Variants in ANXA4 observed in about 807,000 individuals in gnomAD.
ANXA4 encodes 35-beta calcimedin.
A neutral mutation model predicts 49.8 loss-of-function variants in ANXA4; 39 were observed. The observed-to-expected ratio is 0.78, with a 90% CI of 0.61 to 1.02. The LOEUF (loss-of-function observed/expected upper bound fraction) is 1.02, where lower values mean the gene tolerates loss of function less well. Among genes scored for constraint, ANXA4 ranks in the 50% least tolerant of loss-of-function variants. The probability of loss-of-function intolerance (pLI) is 0.00; values close to 1 mark genes in which losing one functional copy is unlikely to be tolerated. For synonymous variants in ANXA4, 134 were observed against 152.5 expected, an observed-to-expected ratio of 0.88 and a Z score of 0.89; for missense variants, 360 against 410.1, an observed-to-expected ratio of 0.88 and a Z score of 1.05.
At chr2:69,649,427 TA>T (rs569382332) in intron 1 of ANXA4, among the ~76,000 whole-genome samples, 156 of 151,552 alleles carry the variant, frequency 1.0e-3, no homozygotes, top group African/African-American at 3.6e-3. Context: ...ATTTATATTT[TA>T]TTTTTTTCAT....
chr2:69,806,871 C>T (rs971614755), intron 5 of ANXA4, among the ~76,000 whole-genome samples: 4 of 152,024 alleles, frequency 2.6e-5, no homozygotes, highest in African/African-American at 9.7e-5. Context: ...GGGAGAGGAT[C>T]AGGAAAAATA....
intron 2 of ANXA4, among the ~76,000 whole-genome samples, chr2:69,679,514 C>T (rs959011130): frequency 5.3e-5 from 8 of 152,056 alleles, no homozygotes; most frequent in Non-Finnish European, 1.0e-4. Context: ...TTAATATAGT[C>T]CTATTTGCTT....
At chr2:69,783,272 C>A (rs1672275789) in intron 2 of ANXA4, among the ~76,000 whole-genome samples, 1 of 152,090 alleles carries the variant, frequency 6.6e-6, no homozygotes, top group African/African-American at 2.4e-5. Context: ...GGCTGGAGAG[C>A]AGTGGCGCGA....
intron 1 of ANXA4, among the ~76,000 whole-genome samples, chr2:69,648,736 A>C (rs1329594054): frequency 6.9e-6 from 1 of 145,622 alleles, no homozygotes; most frequent in South Asian, 2.1e-4. Flanking sequence ...CATGAGAATC[A>C]CTTTAACCCA....
chr2:69,718,980 C>CA (rs1553434540), intron 2 of ANXA4, among the ~76,000 whole-genome samples: 29 of 143,936 alleles, frequency 2.0e-4, no homozygotes, highest in African/African-American at 6.6e-4. Flanking sequence ...AGCTACCCTC[C>CA]TTTTTTTTTT....
intron 1 of ANXA4, among the ~76,000 whole-genome samples, chr2:69,652,487 T>G (rs977824164): frequency 2.6e-5 from 4 of 152,212 alleles, no homozygotes; most frequent in Non-Finnish European, 4.4e-5. Flanking sequence ...GGATCTCTAG[T>G]CAGATGACTT....
At chr2:69,803,052 T>A (rs1438874430) in intron 3 of ANXA4, among the ~76,000 whole-genome samples, 1 of 150,920 alleles carries the variant, frequency 6.6e-6, no homozygotes, top group Admixed American at 6.6e-5. Context: ...CAAAAAAAAA[T>A]TAGCCAGGCA....
At chr2:69,663,759 A>G (rs778209731) in intron 2 of ANXA4, among the ~76,000 whole-genome samples, 4 of 152,234 alleles carry the variant, frequency 2.6e-5, no homozygotes, top group African/African-American at 7.2e-5. Flanking sequence ...TGAAAAACTC[A>G]GTAGAATGTT....
intron 3 of ANXA4, among the ~76,000 whole-genome samples, chr2:69,734,544 T>G (rs1357354039): frequency 6.6e-6 from 1 of 152,196 alleles, no homozygotes; most frequent in Non-Finnish European, 1.5e-5. Context: ...CAAAGAAGTT[T>G]TGCAACCTCC....
At chr2:69,759,312 A>C (rs1671181774) in intron 1 of ANXA4, among the ~76,000 whole-genome samples, 1 of 152,164 alleles carries the variant, frequency 6.6e-6, no homozygotes, top group Non-Finnish European at 1.5e-5. Flanking sequence ...AATTATATAC[A>C]TACTGTGATT....
intron 1 of ANXA4, among the ~76,000 whole-genome samples, chr2:69,780,953 G>C (rs1672172953): frequency 6.6e-6 from 1 of 152,154 alleles, no homozygotes; most frequent in African/African-American, 2.4e-5. Flanking sequence ...ACAAAGTTGA[G>C]TGTATAAGCC....
chr2:69,694,510 TC>T (rs1573111423), intron 2 of ANXA4, among the ~76,000 whole-genome samples: 3 of 52,464 alleles, frequency 5.7e-5, no homozygotes, highest in Non-Finnish European at 7.5e-5. Context: ...ATGCTATCCC[TC>T]CCCCCTCCCC....
chr2:69,726,211 G>A (rs1342164328), intron 3 of ANXA4, among the ~76,000 whole-genome samples: 14 of 152,118 alleles, frequency 9.2e-5, no homozygotes, highest in Non-Finnish European at 1.5e-5. Context: ...GTTTAAAAGT[G>A]GCACTTCCCC....
intron 1 of ANXA4, among the ~76,000 whole-genome samples, chr2:69,751,178 T>C (rs1227180680): frequency 7.1e-6 from 1 of 141,350 alleles, no homozygotes; most frequent in Non-Finnish European, 1.6e-5. Context: ...GGATTTGAAC[T>C]TGTCAGTATG....
At chr2:69,692,623 TAA>T (rs1370816935) in intron 2 of ANXA4, among the ~76,000 whole-genome samples, 1 of 152,242 alleles carries the variant, frequency 6.6e-6, no homozygotes, top group Admixed American at 6.5e-5. Context: ...GTGACTAACT[TAA>T]AAGACACTTG....
intron 2 of ANXA4, among the ~76,000 whole-genome samples, chr2:69,681,809 T>C (rs2105358318): frequency 6.6e-6 from 1 of 152,166 alleles, no homozygotes; most frequent in South Asian, 2.1e-4. Flanking sequence ...TTAATTTTAT[T>C]CTACTAATTT....
At chr2:69,791,726 A>G (rs1672699650) in intron 3 of ANXA4, among the ~76,000 whole-genome samples, 1 of 152,212 alleles carries the variant, frequency 6.6e-6, no homozygotes, top group African/African-American at 2.4e-5. Context: ...GGTCATGACA[A>G]ACCTGCATTG....
At chr2:69,786,508 C>G (rs1487578206) in intron 2 of ANXA4, among the ~76,000 whole-genome samples, 1 of 152,184 alleles carries the variant, frequency 6.6e-6, no homozygotes, top group Non-Finnish European at 1.5e-5. Flanking sequence ...TTCTACTGTA[C>G]TTAGAATAAA....
intron 1 of ANXA4, among the ~76,000 whole-genome samples, chr2:69,776,778 A>C (rs1451707146): frequency 6.6e-6 from 1 of 152,234 alleles, no homozygotes; most frequent in Non-Finnish European, 1.5e-5. Flanking sequence ...ATAATGTTTT[A>C]ATAAAGTTTA....
Sources: allele counts gnomAD v4.1 joint callset (sites outside exome capture counted in the v4.1 genomes callset), GRCh38; gene constraint gnomAD v4.1.1; transcripts MANE v1.5; gene names NCBI Gene and HGNC (gene_info 2026-07-23, HGNC 2026-07-21).